HMX1: variants seen among roughly 807,000 people sequenced by gnomAD.
The protein encoded by HMX1 is homeobox protein HMX1.
Under a neutral mutation model 8.9 loss-of-function variants are expected in HMX1, and 8 were observed. The observed-to-expected ratio is 0.90, with a 90% CI of 0.53 to 1.63. HMX1 has a LOEUF of 1.63. Among genes scored for constraint, HMX1 ranks in the 40% most tolerant of loss-of-function variants. HMX1 has a pLI of 0.00. For synonymous variants in HMX1, 311 were observed against 283.4 expected, an observed-to-expected ratio of 1.10 and a Z score of -0.98; for missense variants, 621 against 558.5, an observed-to-expected ratio of 1.11 and a Z score of -1.13.
At position 8,848,751 on chromosome 4, in the gene HMX1, G is replaced by A. The variant is rs1276208053; in HGVS notation, c.395-2427C>T. Among the ~76,000 whole-genome samples the A allele has an allele frequency of 6.6e-6, 1 of 152,190 alleles. No homozygotes were observed. The highest frequency in any genetic ancestry group is 6.5e-5 in the Admixed American group (1 of 15,286). ...CCAACATGCCTGACACCCAACCTGGGTCAGAAGATTACCCCAGGGCAAGTA... is the reference window on the plus strand; with the variant it reads ...CCAACATGCCTGACACCCAACCTGGATCAGAAGATTACCCCAGGGCAAGTA... On this transcript the variant is annotated intron_variant, in intron 1 of 1. Transcript: ENST00000506970. The surrounding 1 kb of genome is among the most constrained non-coding windows in gnomAD (Gnocchi z 4.1).
chr4:8,857,123 T>C (rs981065970), intron 1 of HMX1, among the ~76,000 whole-genome samples: 1 of 152,206 alleles, frequency 6.6e-6, no homozygotes. Flanking sequence ...TAGTCGAACT[T>C]GGGATGCCTT....
rs1470577998 is a variant in HMX1, at chr4:8,870,249, C to T, written c.394+972G>A. Among the ~76,000 whole-genome samples the T allele has an allele frequency of 6.6e-6, 1 of 151,662 alleles. No homozygotes were observed. The highest frequency in any genetic ancestry group is 1.5e-5 in the Non-Finnish European group (1 of 67,948). ...GGGTGGGGGGCTGGCTAAGCCAGGG[C>T]TTGGGGGGTTGGACTGGCTTTCCTG... On this transcript the variant is annotated intron_variant, in intron 1 of 1. Transcript: ENST00000400677. This position sits in a 1 kb window ranked among gnomAD's most constrained non-coding sequence, Gnocchi z 4.4.
rs1257930588 is a variant in HMX1 at position 8,870,711 on chromosome 4, G to A, written c.394+510C>T. Among the ~76,000 whole-genome samples, 2 of 148,020 alleles carry A rather than the reference G, an allele frequency of 1.4e-5. No individual in the cohort carries two copies. The highest frequency in any genetic ancestry group is 3.0e-5 in the Non-Finnish European group (2 of 67,504). ...TGCCCCCTTTTATTTTTCCACGTCT[G>A]ATGCTACTTTGTCTCCCTTTCCCTC... is the stretch of plus-strand genomic sequence containing the variant. On this transcript the variant is annotated intron_variant, in intron 1 of 1. Coordinates refer to ENST00000400677, the MANE Select transcript of HMX1 (RefSeq NM_018942.3). The surrounding 1 kb of genome is among the most constrained non-coding windows in gnomAD (Gnocchi z 4.4).
chr4:8,859,241 G>A (rs891763881), intron 1 of HMX1: 1 of 150,056 alleles, frequency 6.7e-6, no homozygotes, highest in Non-Finnish European at 1.5e-5. Flanking sequence ...AGGAACCTCA[G>A]GCAAATATGG....
intron 1 of HMX1, among the ~76,000 whole-genome samples, chr4:8,861,208 G>A (rs144913469): frequency 0.066 from 10,044 of 152,198 alleles, 1,097 homozygotes; most frequent in African/African-American, 0.22. Flanking sequence ...CGCAGGCCGA[G>A]CAGGGATGAA....
At chr4:8,850,359 G>A (rs1426418647) in intron 1 of HMX1, among the ~76,000 whole-genome samples, 7 of 152,128 alleles carry the variant, frequency 4.6e-5, no homozygotes, top group Admixed American at 6.5e-5. Flanking sequence ...TGGGGTTCCT[G>A]GAGGTGTTGT....
In HMX1 at chr4:8,867,481, C is replaced by T; in HGVS notation, c.*212G>A. 8.6e-7 allele frequency: 1 copy of T among 1,161,200 alleles called. No individual in the cohort carries two copies. Among genetic ancestry groups the T allele is most frequent in the Non-Finnish European group, 1.1e-6 (1 of 943,340 alleles). 71.9% of individuals were successfully genotyped at this position (1,161,200 alleles called of 1,614,324 possible). A position where few individuals can be genotyped will look rare whatever the true frequency, so the allele number is the denominator to read the frequency against. On this transcript the variant is annotated 3_prime_UTR_variant, in exon 2 of 2. Coordinates refer to ENST00000400677, the MANE Select transcript of HMX1 (RefSeq NM_018942.3). Reference sequence around the variant, plus strand: ...CCCCCTGTTCGAGTGGGGATCCAGCCTGGCAAATGGGTGGGGCGTCCCATT... The same window carrying T: ...CCCCCTGTTCGAGTGGGGATCCAGCTTGGCAAATGGGTGGGGCGTCCCATT...
In HMX1 at chr4:8,868,713, C is replaced by T. The variant is rs562086132; in HGVS notation, c.395-368G>A. Among the ~76,000 whole-genome samples, 1 of 152,304 alleles carries T rather than the reference C, an allele frequency of 6.6e-6. No homozygotes were observed. The highest frequency in any genetic ancestry group is 2.4e-5 in the African/African-American group (1 of 41,564). On this transcript the variant is annotated intron_variant, in intron 1 of 1. Transcript: ENST00000400677. The surrounding 1 kb of genome is among the most constrained non-coding windows in gnomAD (Gnocchi z 4.6). ...GCACTCCCCACTCCCAGCTGCACCA[C>T]GGGCGGCCCGGAAAAACACACAAAC... is the stretch of plus-strand genomic sequence containing the variant.
chr4:8,847,765 G>A lies in HMX1; in HGVS notation c.395-1441C>T, dbSNP rs1721321215. On this transcript the variant is annotated intron_variant, in intron 1 of 1. Coordinates refer to the HMX1 transcript ENST00000506970. The surrounding 1 kb of genome is among the most constrained non-coding windows in gnomAD (Gnocchi z 6.0). ...CTTCATTATATCCTGCATACAGTTG[G>A]TACTCTGTAATTGCTTTCTGGACAC... is the stretch of plus-strand genomic sequence containing the variant. 6.6e-6 allele frequency among the ~76,000 whole-genome samples: 1 copy of A among 152,194 alleles called. No individual in the cohort carries two copies. The highest frequency in any genetic ancestry group is 2.1e-4 in the South Asian group (1 of 4,820).
In HMX1 at chr4:8,853,937, T is replaced by C. The variant is rs1482519397; in HGVS notation, c.395-7613A>G. ...AAAATGTATGAGTATTTTTAATCTT[T>C]TTATAAAGCTTTTTGCTTTTGCGTT... On this transcript the variant is annotated intron_variant, in intron 1 of 1. Transcript: ENST00000506970. This position sits in a 1 kb window ranked among gnomAD's most constrained non-coding sequence, Gnocchi z 4.7. Among the ~76,000 whole-genome samples, 3 of 152,228 alleles carry C rather than the reference T, an allele frequency of 2.0e-5. No individual in the cohort carries two copies. Among genetic ancestry groups the C allele is most frequent in the African/African-American group, 7.2e-5 (3 of 41,454 alleles).
chr4:8,867,801 C>T lies in HMX1; in HGVS notation c.939G>A (p.Pro313=), dbSNP rs2109472652. The change falls in exon 2 of 2, where the codon CCG becomes CCA. Residue 313 remains proline, a synonymous_variant. Coordinates refer to ENST00000400677, the MANE Select transcript of HMX1 (RefSeq NM_018942.3). Reference sequence around the variant, plus strand: ...CGGAGAAGCCGAGCAGCGGTGGGGGCGGCGCGGGCGCGGCGGGCGCCAGCG... The same window carrying T: ...CGGAGAAGCCGAGCAGCGGTGGGGGTGGCGCGGGCGCGGCGGGCGCCAGCG... ...PFPLAPAAPA[P]PPPLLGFSGA... 3.2e-6 allele frequency: 4 copies of T among 1,231,438 alleles called. No individual in the cohort carries two copies. Among genetic ancestry groups the T allele is most frequent in the South Asian group, 3.9e-5 (1 of 25,826 alleles). 76.3% of individuals were successfully genotyped at this position (1,231,438 alleles called of 1,614,324 possible).
chr4:8,847,459 T>C lies in HMX1; in HGVS notation c.395-1135A>G, dbSNP rs780242026. Among the ~76,000 whole-genome samples the C allele has an allele frequency of 6.6e-6, 1 of 152,142 alleles. No homozygotes were observed. Among genetic ancestry groups the C allele is most frequent in the African/African-American group, 2.4e-5 (1 of 41,424 alleles). On this transcript the variant is annotated intron_variant, in intron 1 of 1. Coordinates refer to the HMX1 transcript ENST00000506970. This position sits in a 1 kb window ranked among gnomAD's most constrained non-coding sequence, Gnocchi z 6.0. The stretch of plus-strand genomic sequence containing the variant: ...GCAAAGAGCTATTTCTGTAACGGGA[T>C]GCCGCCAACAGACGGAAGCCACTGA...
intron 1 of HMX1, among the ~76,000 whole-genome samples, chr4:8,854,327 T>A (rs1721544042): frequency 1.3e-5 from 2 of 152,222 alleles, no homozygotes; most frequent in African/African-American, 2.4e-5. Flanking sequence ...GAACCCTGAA[T>A]GGGATGAAGA....
At chr4:8,846,264 T>A (rs1213430240) in exon 2 of HMX1, 1 of 1,535,280 alleles carries the variant, frequency 6.5e-7, no homozygotes, top group Admixed American at 2.0e-5. Flanking sequence ...TTTGTATTTA[T>A]CAGCTCTGGT....
chr4:8,865,091 A>G (rs909660496), downstream of HMX1, among the ~76,000 whole-genome samples: 11 of 152,142 alleles, frequency 7.2e-5, no homozygotes, highest in African/African-American at 2.2e-4. Flanking sequence ...GGTGGCCCGG[A>G]GTCAGGTGAC....
chr4:8,850,578 G>A (rs1010001482), intron 1 of HMX1, among the ~76,000 whole-genome samples: 5 of 152,074 alleles, frequency 3.3e-5, no homozygotes, highest in Non-Finnish European at 2.9e-5. Context: ...CACAGCATCC[G>A]CACCTCACCC....
chr4:8,857,951 C>T (rs2109460397), intron 1 of HMX1, among the ~76,000 whole-genome samples: 1 of 152,114 alleles, frequency 6.6e-6, no homozygotes, highest in South Asian at 2.1e-4. Flanking sequence ...TTCGGGCGCT[C>T]GGGGAGAGGA....
Position 8,847,480 on chromosome 4 carries a change from A to G in HMX1, c.395-1156T>C, listed in dbSNP as rs1359392926. ...GGGATGCCGCCAACAGACGGAAGCC[A>G]CTGAGCCCTGCTCTTCGGAAGATGC... On this transcript the variant is annotated intron_variant, in intron 1 of 1. Transcript: ENST00000506970. This position sits in a 1 kb window ranked among gnomAD's most constrained non-coding sequence, Gnocchi z 6.0. 2.0e-5 allele frequency among the ~76,000 whole-genome samples: 3 copies of G among 152,202 alleles called. No homozygotes were observed. The highest frequency in any genetic ancestry group is 4.4e-5 in the Non-Finnish European group (3 of 68,034).
chr4:8,852,760 C>A (rs79250507), intron 1 of HMX1, among the ~76,000 whole-genome samples: 9,170 of 152,268 alleles, frequency 0.06, 492 homozygotes, highest in African/African-American at 0.14. Context: ...CCAATAAATA[C>A]TGTCCCCTCT....
Sources: allele counts gnomAD v4.1 joint callset (sites outside exome capture counted in the v4.1 genomes callset), GRCh38; gene constraint gnomAD v4.1.1; non-coding constraint Gnocchi (gnomAD v3.1); transcripts MANE v1.5; gene names NCBI Gene and HGNC (gene_info 2026-07-23, HGNC 2026-07-21).